The following NCKAP5 variants were observed in gnomAD, a reference collection of about 807,000 sequenced individuals.
NCKAP5 encodes the protein NCK associated protein 5.
Under a neutral mutation model 167.0 loss-of-function variants are expected in NCKAP5, and 92 were observed. That is an observed-to-expected ratio of 0.55 (90% CI 0.47 to 0.66). The LOEUF (loss-of-function observed/expected upper bound fraction) is 0.66, where lower values mean the gene tolerates loss of function less well. NCKAP5 is among the 30% of genes least tolerant of loss of function. NCKAP5 has a pLI of 0.00. For synonymous variants in NCKAP5, 891 were observed against 877.4 expected (o/e 1.02, Z -0.27); for missense variants, 2,378 against 2,315.0 (o/e 1.03, Z -0.56).
At chr2:133,309,415 C>T (rs1036410855) in intron 3 of NCKAP5, among the ~76,000 whole-genome samples, 8 of 152,132 alleles carry the variant, frequency 5.3e-5, no homozygotes, top group African/African-American at 1.9e-4. Context: ...ACCCCCCTTT[C>T]CACTTGCCCT....
intron 19 of NCKAP5, among the ~76,000 whole-genome samples, chr2:132,688,340 AAAACAGC>A (rs562753956): frequency 1.7e-4 from 26 of 152,350 alleles, no homozygotes; most frequent in African/African-American, 5.8e-4. Context: ...AATTGTATAG[AAAACAGC>A]AGGAACTGTG....
chr2:133,341,168 A>C (rs1232325782), intron 3 of NCKAP5, among the ~76,000 whole-genome samples: 1 of 152,240 alleles, frequency 6.6e-6, no homozygotes, highest in Non-Finnish European at 1.5e-5. Flanking sequence ...TGGAAAAAAA[A>C]ACACTTATTA....
intron 14 of NCKAP5, among the ~76,000 whole-genome samples, 194 bp downstream of exon 14, chr2:132,781,746 T>A (rs1177311643): frequency 2.6e-5 from 4 of 152,234 alleles, no homozygotes; most frequent in Non-Finnish European, 5.9e-5. Flanking sequence ...TAACATGGAC[T>A]AAATGATCAT....
At chr2:133,062,723 A>G (rs2080049370) in intron 6 of NCKAP5, among the ~76,000 whole-genome samples, 1 of 152,156 alleles carries the variant, frequency 6.6e-6, no homozygotes, top group South Asian at 2.1e-4. Flanking sequence ...ATTTAATTTT[A>G]TTTCTGGTGA....
intron 1 of NCKAP5, among the ~76,000 whole-genome samples, chr2:133,563,217 C>T (rs1163571638): frequency 6.6e-6 from 1 of 152,166 alleles, no homozygotes; most frequent in Non-Finnish European, 1.5e-5. Context: ...CTACCAAAAC[C>T]CACACCAAGA....
In NCKAP5 at chr2:133,474,759, C is replaced by T. The variant is rs572093192; in HGVS notation, c.69+42699G>A. Among the ~76,000 whole-genome samples, 129 of 151,662 alleles carry T rather than the reference C, an allele frequency of 8.5e-4. 2 individuals carry two copies. Among genetic ancestry groups the T allele is most frequent in the Middle Eastern group, 6.8e-3 (2 of 292 alleles). ...TACTAATTATCCTCTGAGAATATTG[C>T]TAAGTCTTTGGAATTTTTCAATAGA... On this transcript the variant is annotated intron_variant, in intron 3 of 19. Coordinates refer to ENST00000409261, the MANE Select transcript of NCKAP5 (RefSeq NM_207363.3).
chr2:133,626,783 A>T, the NCKAP5 span, among the ~76,000 whole-genome samples: 31 of 152,064 alleles, frequency 2.0e-4, no homozygotes, highest in Admixed American at 1.6e-3. Flanking sequence ...CTGAATTTTT[A>T]AAATGGGCAA....
Position 133,162,331 on chromosome 2 carries a change from G to A in NCKAP5, c.208-32220C>T, listed in dbSNP as rs184194872. On this transcript the variant is annotated intron_variant, in intron 5 of 19. Coordinates refer to ENST00000409261, the MANE Select transcript of NCKAP5 (RefSeq NM_207363.3). The stretch of plus-strand genomic sequence containing the variant: ...ATAAAGCACTGTGCTAGAGATTAAC[G>A]ATCTATGTGGAAAAACATTTTGAAT... Among the ~76,000 whole-genome samples the A allele has an allele frequency of 1.1e-4, 17 of 152,236 alleles. No individual in the cohort carries two copies. The East Asian group carries it at 1.2e-3, about 10-fold the overall frequency.
chr2:132,759,800 A>G (rs13005139), intron 16 of NCKAP5, among the ~76,000 whole-genome samples: 21,748 of 151,944 alleles, frequency 0.14, 1,667 homozygotes, highest in East Asian at 0.17. Context: ...TAGTCTATGT[A>G]CATTTATTAC....
chr2:133,616,718 G>C, the NCKAP5 span, among the ~76,000 whole-genome samples: 2 of 152,016 alleles, frequency 1.3e-5, no homozygotes, highest in East Asian at 3.9e-4. Flanking sequence ...AATTCTACCA[G>C]AGGTACAAGG....
chr2:133,298,366 G>A (rs1241995440), intron 4 of NCKAP5, among the ~76,000 whole-genome samples: 1 of 152,058 alleles, frequency 6.6e-6, no homozygotes, highest in Non-Finnish European at 1.5e-5. Flanking sequence ...TAGATCCTCT[G>A]ACACTATATA....
intron 5 of NCKAP5, among the ~76,000 whole-genome samples, chr2:133,197,709 G>T (rs2085500579): frequency 6.6e-6 from 1 of 152,148 alleles, no homozygotes; most frequent in African/African-American, 2.4e-5. Context: ...CCAGCACTTT[G>T]GGAGGCCAAG....
At chr2:133,413,210 C>T (rs1688885476) in intron 3 of NCKAP5, among the ~76,000 whole-genome samples, 1 of 152,198 alleles carries the variant, frequency 6.6e-6, no homozygotes, top group South Asian at 2.1e-4. Flanking sequence ...AGTATGCAAA[C>T]TGGAAGACTG....
At chr2:133,193,666 C>T (rs2085322301) in intron 5 of NCKAP5, among the ~76,000 whole-genome samples, 1 of 151,974 alleles carries the variant, frequency 6.6e-6, no homozygotes, top group African/African-American at 2.4e-5. Context: ...TCTTATATGC[C>T]TGTACTAGCG....
At chr2:133,625,686 C>CGGGG in the NCKAP5 span, among the ~76,000 whole-genome samples, 3 of 151,788 alleles carry the variant, frequency 2.0e-5, no homozygotes, top group African/African-American at 7.3e-5. Context: ...CTGGCTAACA[C>CGGGG]GGTGAAACCC....
At position 133,332,609 on chromosome 2, in the gene NCKAP5, G is replaced by GA. The variant is rs112089788; in HGVS notation, c.70-29500dup. ...TTGTGCTTAAGACTTGAAAGTTTTA[G>GA]AAAAAATGTCCACTGTATTTGAAAA... On this transcript the variant is annotated intron_variant, in intron 3 of 19. Transcript: ENST00000409261. Among the ~76,000 whole-genome samples, 894 of 152,068 alleles carry GA rather than the reference G, an allele frequency of 5.9e-3. 13 individuals are homozygous for GA. The highest frequency in any genetic ancestry group is 0.02 in the African/African-American group (846 of 41,494).
rs906805567 is a variant in NCKAP5 at position 133,275,970 on chromosome 2, C to T, written c.143+27067G>A. Among the ~76,000 whole-genome samples the T allele has an allele frequency of 5.3e-5, 8 of 151,814 alleles. 1 individual carries two copies. Among genetic ancestry groups the T allele is most frequent in the African/African-American group, 1.9e-4 (8 of 41,404 alleles). On this transcript the variant is annotated intron_variant, in intron 4 of 19. Transcript: ENST00000409261. ...TCAATAAAAGTTATACAGAGTATGCCTGTCTCCCGTTCTACCTCCTCCACC... is the reference window on the plus strand; with the variant it reads ...TCAATAAAAGTTATACAGAGTATGCTTGTCTCCCGTTCTACCTCCTCCACC...
intron 4 of NCKAP5, among the ~76,000 whole-genome samples, chr2:133,297,165 C>T (rs1308375089): frequency 8.2e-6 from 1 of 122,164 alleles, no homozygotes; most frequent in Admixed American, 8.5e-5. Flanking sequence ...CAGGTTGTCA[C>T]AGTGTGTGTG....
At chr2:133,290,297 T>A (rs1210943128) in intron 4 of NCKAP5, among the ~76,000 whole-genome samples, 3 of 152,234 alleles carry the variant, frequency 2.0e-5, no homozygotes, top group Non-Finnish European at 4.4e-5. Flanking sequence ...CATGAATTTT[T>A]AAAAATCTAA....
Sources: allele counts gnomAD v4.1 joint callset (sites outside exome capture counted in the v4.1 genomes callset), GRCh38; gene constraint gnomAD v4.1.1; transcripts MANE v1.5; gene names NCBI Gene and HGNC (gene_info 2026-07-23, HGNC 2026-07-21).